The following SLC14A1 variants were observed in gnomAD, a reference collection of about 807,000 sequenced individuals.
The protein encoded by SLC14A1 is urea transporter 1.
In SLC14A1, 36 loss-of-function variants were observed where a neutral mutation model predicts 39.6. That is an observed-to-expected ratio of 0.91 (90% CI 0.70 to 1.20). SLC14A1 has a LOEUF of 1.20. Among genes scored for constraint, SLC14A1 ranks in the 50% most tolerant of loss-of-function variants. The pLI is 0.00. For synonymous variants in SLC14A1, 164 were observed against 173.6 expected (o/e 0.94, Z 0.43); for missense variants, 469 against 478.7 (o/e 0.98, Z 0.19).
At chr18:45,726,124 T>C (rs1178180186) in intron 2 of SLC14A1, among the ~76,000 whole-genome samples, 1 of 152,238 alleles carries the variant, frequency 6.6e-6, no homozygotes, top group Non-Finnish European at 1.5e-5. Context: ...TAATGCAACA[T>C]GCAGGCACAT....
chr18:45,740,259 C>A (rs2047327924), intron 8 of SLC14A1, among the ~76,000 whole-genome samples: 1 of 152,094 alleles, frequency 6.6e-6, no homozygotes, highest in East Asian at 1.9e-4. Context: ...GAGCAATGTC[C>A]CCTGGTAAAT....
chr18:45,749,614 C>T (rs1325033284), intron 9 of SLC14A1, among the ~76,000 whole-genome samples, 164 bp from the exon 10 acceptor site: 1 of 152,124 alleles, frequency 6.6e-6, no homozygotes, highest in Non-Finnish European at 1.5e-5. Context: ...CAACTCAATG[C>T]CCTGAGATTG....
At chr18:45,735,905 G>A (rs543590479) in intron 5 of SLC14A1, among the ~76,000 whole-genome samples, 1 of 152,202 alleles carries the variant, frequency 6.6e-6, no homozygotes, top group Admixed American at 6.5e-5. Flanking sequence ...CTAAGGAGAT[G>A]CGCCTTGCCT....
chr18:45,736,506 C>T lies in SLC14A1; in HGVS notation c.521C>T (p.Pro174Leu), dbSNP rs777218892. 2.5e-6 allele frequency: 4 copies of T among 1,613,886 alleles called. No individual in the cohort carries two copies. The Admixed American group carries it at 5.0e-5, about 20-fold the overall frequency. Residue 174 changes from proline to leucine, a missense_variant, in exon 6 of 10, where the codon CCC becomes CTC. Transcript: ENST00000321925. ...LNSMLSKWDLPVFTLPFNMAL... is the reference protein window; with the variant it reads ...LNSMLSKWDLLVFTLPFNMAL... ...TCCATGCTCAGCAAATGGGACCTCC[C>T]CGTCTTCACCCTCCCTTTCAACATG...
intron 2 of SLC14A1, chr18:45,726,695 A>G (rs1332340996): frequency 2.0e-5 from 3 of 152,252 alleles, no homozygotes; most frequent in Non-Finnish European, 2.9e-5. Flanking sequence ...AAAAAATACC[A>G]TTTAGGAGTC....
chr18:45,730,508 G>A, intron 3 of SLC14A1, 37 bp downstream of exon 3: 4 of 1,610,044 alleles, frequency 2.5e-6, no homozygotes, highest in Non-Finnish European at 3.4e-6. Flanking sequence ...GACAGGAGAA[G>A]TAGCTTTGGG....
Position 45,731,127 on chromosome 18 carries a change from G to T in SLC14A1, c.264G>T (p.Gln88His), listed in dbSNP as rs771038208. The change falls in exon 4 of 10, where the codon CAG (glutamine) becomes CAT (histidine). Residue 88 changes from glutamine to histidine, a missense_variant. Physicochemically the swap from Gln to His is conservative, Grantham distance 24 (BLOSUM62 0). Transcript: ENST00000321925. Reference sequence around the variant, plus strand: ...TGATTCTGGTAGGACTTCTTGTTCAGAACCCCTGGTGGGCTCTCACTGGCT... The same window carrying T: ...TGATTCTGGTAGGACTTCTTGTTCATAACCCCTGGTGGGCTCTCACTGGCT... ...GILILVGLLVQNPWWALTGWL... is the reference protein window; with the variant it reads ...GILILVGLLVHNPWWALTGWL... 1.2e-5 allele frequency: 19 copies of T among 1,614,044 alleles called. No individual in the cohort carries two copies. The highest frequency in any genetic ancestry group is 1.4e-5 in the Non-Finnish European group (17 of 1,180,026).
chr18:45,731,059 A>G lies in SLC14A1; in HGVS notation c.196A>G (p.Ile66Val). Residue 66 changes from isoleucine (I) to valine (V), a missense_variant, in exon 4 of 10, where the codon ATA (isoleucine) becomes GTA (valine). Transcript: ENST00000321925. Reference sequence around the variant, plus strand: ...GTTCATTGACTGGATTCTCCGGGGCATATCCCAAGTGGTGTTCGTCAACAA... The same window carrying G: ...GTTCATTGACTGGATTCTCCGGGGCGTATCCCAAGTGGTGTTCGTCAACAA... The part of the protein sequence containing the change: ...LQFIDWILRG[I>V]SQVVFVNNPV... 3.1e-6 allele frequency: 5 copies of G among 1,614,154 alleles called. No individual in the cohort carries two copies. Among genetic ancestry groups the G allele is most frequent in the Non-Finnish European group, 4.2e-6 (5 of 1,180,022 alleles).
intron 8 of SLC14A1, among the ~76,000 whole-genome samples, chr18:45,741,325 G>T (rs1161428975): frequency 6.6e-6 from 1 of 152,208 alleles, no homozygotes; most frequent in African/African-American, 2.4e-5. Flanking sequence ...GAGAGAATGA[G>T]ATTTGCTTGG....
chr18:45,744,933 C>T (rs1044888581), intron 8 of SLC14A1, among the ~76,000 whole-genome samples: 2 of 152,132 alleles, frequency 1.3e-5, no homozygotes, highest in African/African-American at 4.8e-5. Flanking sequence ...GTTGAGTTCT[C>T]CATTTCTGGT....
rs1440851144 is a variant in SLC14A1, at chr18:45,731,251, G to C, written c.341+47G>C. 1.9e-6 allele frequency: 3 copies of C among 1,561,428 alleles called. No individual in the cohort carries two copies. The East Asian group carries it at 6.7e-5, about 35-fold the overall frequency. ...TTCTCAGCTCCCTTCTGAGACACAG[G>C]GGCTGACCAGTTACTGTGGGCAACA... On this transcript the variant is annotated intron_variant, in intron 4 of 9. Transcript: ENST00000321925.
chr18:45,730,954 CTGTGGTTG>C lies in SLC14A1; in HGVS notation c.152-60_152-53del, dbSNP rs373450411. The C allele has an allele frequency of 2.9e-3, 4,270 of 1,469,488 alleles. 9 individuals are homozygous for C. The highest frequency in any genetic ancestry group is 3.9e-3 in the Non-Finnish European group (4,053 of 1,050,130). 91.0% of individuals were successfully genotyped at this position (1,469,488 alleles called of 1,614,324 possible). A position where few individuals can be genotyped will look rare whatever the true frequency, so the allele number is the denominator to read the frequency against. ...TTTGCTGATTTTGCTCAGGGTGGGCCTGTGGTTGAAGAGTATCACTTGGCAGCTTCCTT... is the reference window on the plus strand; with the variant it reads ...TTTGCTGATTTTGCTCAGGGTGGGCCAAGAGTATCACTTGGCAGCTTCCTT... On this transcript the variant is annotated intron_variant, in intron 3 of 9. Coordinates refer to ENST00000321925, the MANE Select transcript of SLC14A1 (RefSeq NM_015865.7).
intron 8 of SLC14A1, among the ~76,000 whole-genome samples, chr18:45,743,617 G>A (rs6507638): frequency 0.92 from 140,110 of 152,206 alleles, 64,495 homozygotes; most frequent in East Asian, 1. Context: ...AATTCATACA[G>A]TTGTTCTGAT....
chr18:45,725,035 A>G (rs2046826497), intron 2 of SLC14A1, 22 bp downstream of exon 2: 1 of 152,248 alleles, frequency 6.6e-6, no homozygotes, highest in Non-Finnish European at 1.5e-5. Flanking sequence ...ATAAGTGTCA[A>G]TGCTGAAAGT....
intron 2 of SLC14A1, among the ~76,000 whole-genome samples, chr18:45,727,755 C>T (rs1358847413): frequency 2.6e-5 from 4 of 152,236 alleles, no homozygotes. Flanking sequence ...GATGTTTGAA[C>T]ATTAGCAGAA....
intron 3 of SLC14A1, 25 bp from the exon 4 acceptor site, chr18:45,730,990 C>T: frequency 3.7e-6 from 6 of 1,611,914 alleles, no homozygotes; most frequent in African/African-American, 2.7e-5. Flanking sequence ...GCTTCCTTAG[C>T]TCTGCTTTAC....
chr18:45,732,970 A>G (rs1001516941), intron 4 of SLC14A1, among the ~76,000 whole-genome samples: 53 of 152,250 alleles, frequency 3.5e-4, no homozygotes, highest in African/African-American at 7.5e-4. Flanking sequence ...ATGTATCTGG[A>G]GACCAATATC....
At chr18:45,743,644 G>A (rs2047457386) in intron 8 of SLC14A1, among the ~76,000 whole-genome samples, 1 of 152,178 alleles carries the variant, frequency 6.6e-6, no homozygotes, top group Non-Finnish European at 1.5e-5. Flanking sequence ...GTTAGTTAAT[G>A]CATGTCTGAA....
At chr18:45,735,337 C>T (rs1011683149) in intron 5 of SLC14A1, among the ~76,000 whole-genome samples, 2 of 152,206 alleles carry the variant, frequency 1.3e-5, no homozygotes, top group African/African-American at 2.4e-5. Context: ...GGGGTGGGGC[C>T]CGAGAATTTG....
Sources: allele counts gnomAD v4.1 joint callset (sites outside exome capture counted in the v4.1 genomes callset), GRCh38; gene constraint gnomAD v4.1.1; transcripts MANE v1.5; gene names NCBI Gene and HGNC (gene_info 2026-07-23, HGNC 2026-07-21).